Variants in ASTN2 observed in about 807,000 individuals in gnomAD.
ASTN2 encodes the protein astrotactin-2.
Under a neutral mutation model 139.8 loss-of-function variants are expected in ASTN2, and 54 were observed. The ratio of observed to expected loss-of-function variants is 0.39; its 90% confidence interval spans 0.31 to 0.48. The LOEUF is 0.48. Among genes scored for constraint, ASTN2 ranks in the 20% least tolerant of loss-of-function variants. ASTN2 has a pLI of 0.95. For missense variants in ASTN2, 1,565 were observed against 1,725.1 expected, an observed-to-expected ratio of 0.91 and a Z score of 1.64; for synonymous variants, 756 against 719.5, an observed-to-expected ratio of 1.05 and a Z score of -0.81.
intron 1 of ASTN2, among the ~76,000 whole-genome samples, chr9:117,397,021 A>C (rs1285793670): frequency 6.7e-6 from 1 of 149,248 alleles, no homozygotes; most frequent in Admixed American, 6.7e-5. Flanking sequence ...AGCTCACTGC[A>C]ACCTCTGCAT....
chr9:117,212,426 C>G (rs998795420), intron 3 of ASTN2, among the ~76,000 whole-genome samples: 3 of 151,802 alleles, frequency 2.0e-5, no homozygotes, highest in Non-Finnish European at 4.4e-5. Context: ...ATATGTCAAA[C>G]TAAAAAGCTC....
At chr9:117,062,997 T>C (rs996553641) in intron 5 of ASTN2, among the ~76,000 whole-genome samples, 1 of 152,200 alleles carries the variant, frequency 6.6e-6, no homozygotes, top group Admixed American at 6.5e-5. Flanking sequence ...AGGTAGAATA[T>C]TGTGTGCTAG....
At chr9:116,484,428 G>A (rs1225674812) in intron 20 of ASTN2, among the ~76,000 whole-genome samples, 1 of 152,168 alleles carries the variant, frequency 6.6e-6, no homozygotes, top group Non-Finnish European at 1.5e-5. Context: ...GTGTCCCCAA[G>A]GCCTGTGCTA....
intron 2 of ASTN2, among the ~76,000 whole-genome samples, chr9:117,288,685 C>T (rs1223138359): frequency 3.3e-5 from 5 of 152,166 alleles, no homozygotes; most frequent in African/African-American, 1.2e-4. Context: ...TGTAAACACT[C>T]TTTTTGTTCT....
At chr9:116,608,142 CCAGA>C (rs779116637) in intron 19 of ASTN2, among the ~76,000 whole-genome samples, 1 of 152,098 alleles carries the variant, frequency 6.6e-6, no homozygotes, top group Non-Finnish European at 1.5e-5. Flanking sequence ...CCTGAATTGC[CCAGA>C]CAGAGTTCTG....
At chr9:116,587,824 G>T (rs1248135181) in intron 19 of ASTN2, among the ~76,000 whole-genome samples, 1 of 148,514 alleles carries the variant, frequency 6.7e-6, no homozygotes, top group Admixed American at 6.8e-5. Context: ...TTATAAAGTA[G>T]AATACATTAC....
chr9:116,791,569 C>T (rs1369437532), intron 13 of ASTN2, among the ~76,000 whole-genome samples: 1 of 152,188 alleles, frequency 6.6e-6, no homozygotes, highest in African/African-American at 2.4e-5. Context: ...AACAAACTGC[C>T]TGGAGTCACT....
At chr9:116,483,066 C>A (rs1406702290) in intron 20 of ASTN2, among the ~76,000 whole-genome samples, 1 of 152,180 alleles carries the variant, frequency 6.6e-6, no homozygotes, top group Non-Finnish European at 1.5e-5. Flanking sequence ...TTTGGCCAGG[C>A]AAGGGCAGGG....
At chr9:116,881,647 T>A (rs1013174701) in intron 10 of ASTN2, among the ~76,000 whole-genome samples, 13 of 152,156 alleles carry the variant, frequency 8.5e-5, no homozygotes, top group African/African-American at 3.1e-4. Context: ...GCACCTGGAG[T>A]GGCCACTGCC....
intron 19 of ASTN2, among the ~76,000 whole-genome samples, chr9:116,605,526 G>A (rs1308415823): frequency 6.6e-6 from 1 of 152,162 alleles, no homozygotes; most frequent in Non-Finnish European, 1.5e-5. Flanking sequence ...AGGAGATTAT[G>A]ATGCTAGGTG....
chr9:116,442,609 G>C, intron 20 of ASTN2, 56 bp from the exon 21 acceptor site: 1 of 1,395,258 alleles, frequency 7.2e-7, no homozygotes, highest in Admixed American at 1.7e-5. Context: ...AAGGCCCTGG[G>C]AGTTGCAGGG....
chr9:116,486,876 G>A (rs942374601), intron 20 of ASTN2, among the ~76,000 whole-genome samples: 4 of 151,902 alleles, frequency 2.6e-5, no homozygotes, highest in African/African-American at 9.7e-5. Flanking sequence ...AAGGCTGGCT[G>A]GATCTATTAA....
At chr9:116,938,825 T>C (rs1835149998) in intron 10 of ASTN2, among the ~76,000 whole-genome samples, 1 of 152,128 alleles carries the variant, frequency 6.6e-6, no homozygotes, top group African/African-American at 2.4e-5. Context: ...CTCTTGCTAT[T>C]AAAAAAAGGG....
intron 6 of ASTN2, among the ~76,000 whole-genome samples, chr9:117,035,714 G>A (rs1219699350): frequency 6.6e-6 from 1 of 152,134 alleles, no homozygotes; most frequent in East Asian, 1.9e-4. Context: ...ATCATGCTGG[G>A]GAAGGTGAGC....
intron 11 of ASTN2, among the ~76,000 whole-genome samples, chr9:116,826,606 C>A (rs1353018598): frequency 6.6e-6 from 1 of 152,148 alleles, no homozygotes; most frequent in Non-Finnish European, 1.5e-5. Context: ...CTACCACCAT[C>A]ATTACTGCCA....
chr9:116,795,833 C>T (rs565195810), intron 13 of ASTN2, among the ~76,000 whole-genome samples: 1 of 152,268 alleles, frequency 6.6e-6, no homozygotes, highest in South Asian at 2.1e-4. Flanking sequence ...CTGTTAAATC[C>T]TTGCCAAAGC....
chr9:116,586,941 C>T (rs1360687859), intron 19 of ASTN2, among the ~76,000 whole-genome samples: 1 of 151,696 alleles, frequency 6.6e-6, no homozygotes, highest in African/African-American at 2.4e-5. Context: ...TAGAGAGGAG[C>T]CACGCTCTCA....
At chr9:116,938,784 C>T (rs1159552605) in intron 10 of ASTN2, among the ~76,000 whole-genome samples, 1 of 152,200 alleles carries the variant, frequency 6.6e-6, no homozygotes, top group African/African-American at 2.4e-5. Context: ...GGCATAATTC[C>T]AAAAGAGAAT....
intron 10 of ASTN2, among the ~76,000 whole-genome samples, chr9:116,936,769 CCACA>C (rs1358444206): frequency 1.3e-5 from 2 of 152,098 alleles, no homozygotes; most frequent in Non-Finnish European, 2.9e-5. Context: ...ACAAATGAAC[CCACA>C]CACAGCTTCA....
Sources: gnomAD v4.1 joint callset for allele counts (sites outside exome capture counted in the v4.1 genomes callset) on GRCh38, gnomAD v4.1.1 for gene constraint, MANE v1.5 for transcripts, NCBI Gene and HGNC (gene_info 2026-07-23, HGNC 2026-07-21) for gene names.